The following EWSR1 variants were observed in gnomAD, a reference collection of about 807,000 sequenced individuals.
The protein encoded by EWSR1 is RNA-binding protein EWS.
In EWSR1, 14 loss-of-function variants were observed where a neutral mutation model predicts 92.1. The observed-to-expected ratio is 0.15, with a 90% CI of 0.10 to 0.24. The LOEUF is 0.24. EWSR1 is among the 10% of genes least tolerant of loss of function. EWSR1 has a pLI of 1.00. For synonymous variants in EWSR1, 303 were observed against 292.9 expected, an observed-to-expected ratio of 1.03 and a Z score of -0.35; for missense variants, 637 against 870.9, an observed-to-expected ratio of 0.73 and a Z score of 3.38.
Position 29,300,315 on chromosome 22 carries a change from C to T in EWSR1, c.*154C>T, listed in dbSNP as rs557978659. ...GTATTTTTCACCATTTGTGAAGAAA[C>T]ATTAAAACAAGTTAAATGGTAGTGT... On this transcript the variant is annotated 3_prime_UTR_variant, in exon 17 of 17. Transcript: ENST00000397938. The T allele has an allele frequency of 5.3e-6, 4 of 751,650 alleles. No homozygotes were observed. The Admixed American group carries it at 9.3e-5, about 17-fold the overall frequency. The allele number at this position is 751,650 out of a possible 1,614,324, so 46.6% of individuals were successfully genotyped here. A position where few individuals can be genotyped will look rare whatever the true frequency, so the allele number is the denominator to read the frequency against.
chr22:29,273,326 T>A (rs2146815324), intron 3 of EWSR1, among the ~76,000 whole-genome samples: 1 of 152,360 alleles, frequency 6.6e-6, no homozygotes, highest in South Asian at 2.1e-4. Context: ...TGTTCATTTG[T>A]CTTCGTACCT....
At chr22:29,295,816 C>A in intron 11 of EWSR1, 1 of 228,730 alleles carries the variant, frequency 4.4e-6, no homozygotes, top group Non-Finnish European at 8.7e-6. Flanking sequence ...CCAAGAATCC[C>A]TGTAGTTCAC....
At chr22:29,279,419 A>G (rs575218787) in intron 5 of EWSR1, among the ~76,000 whole-genome samples, 1 of 152,246 alleles carries the variant, frequency 6.6e-6, no homozygotes, top group African/African-American at 2.4e-5. Context: ...TACATTGTAT[A>G]GAGGCTTAAT....
intron 5 of EWSR1, among the ~76,000 whole-genome samples, chr22:29,279,354 A>G (rs1239522639): frequency 2.0e-5 from 3 of 152,248 alleles, no homozygotes; most frequent in Admixed American, 6.5e-5. Flanking sequence ...GGACATAACC[A>G]TATTCAAGAA....
At chr22:29,293,938 C>A (rs185397769) in intron 11 of EWSR1, among the ~76,000 whole-genome samples, 3 of 152,108 alleles carry the variant, frequency 2.0e-5, no homozygotes, top group Non-Finnish European at 4.4e-5. Context: ...ATTGCAGTGG[C>A]GCAGTCTTGG....
At chr22:29,286,243 C>T (rs575995050) in intron 6 of EWSR1, among the ~76,000 whole-genome samples, 3 of 151,838 alleles carry the variant, frequency 2.0e-5, no homozygotes, top group South Asian at 2.1e-4. Flanking sequence ...CTCCACCTCC[C>T]GGGTTCATGC....
chr22:29,272,594 G>A (rs1039276995), intron 3 of EWSR1, among the ~76,000 whole-genome samples, 163 bp downstream of exon 3: 2 of 152,178 alleles, frequency 1.3e-5, no homozygotes, highest in African/African-American at 4.8e-5. Context: ...GGACTCCATT[G>A]TGCCATCATA....
chr22:29,291,534 G>A, intron 8 of EWSR1, 28 bp from the exon 9 acceptor site: 1 of 1,610,268 alleles, frequency 6.2e-7, no homozygotes, highest in South Asian at 1.1e-5. Context: ...AAAGGGAAAG[G>A]CCTTCATTTC....
In EWSR1 at chr22:29,288,613, C is replaced by T; in HGVS notation, c.801C>T (p.Phe267=). ...QSSSYGQQSS[F]RQDHPSSMGV... ...ATGTGACTCTTTCCTCAGGTTCATT[C>T]CGACAGGACCACCCCAGTAGCATGG... Residue 267 remains phenylalanine (F), a synonymous_variant, in exon 8 of 17, where the codon TTC becomes TTT. Coordinates refer to ENST00000397938, the MANE Select transcript of EWSR1 (RefSeq NM_005243.4). 6.2e-7 allele frequency: 1 copy of T among 1,610,738 alleles called. No individual in the cohort carries two copies. The highest frequency in any genetic ancestry group is 1.1e-5 in the South Asian group (1 of 90,746).
rs374660468 is a variant in EWSR1 at position 29,291,618 on chromosome 22, C to A, written c.1012+19C>A. 3.3e-4 allele frequency: 533 copies of A among 1,605,202 alleles called. No individual in the cohort carries two copies. The highest frequency in any genetic ancestry group is 1.1e-3 in the Admixed American group (63 of 58,848). On this transcript the variant is annotated intron_variant, in intron 9 of 16. Coordinates refer to ENST00000397938, the MANE Select transcript of EWSR1 (RefSeq NM_005243.4). ...CCTGGTGGTAAGTTTTTGAGTATTA[C>A]CATAGATAGTGTTTAAAAAAAAATG...
At chr22:29,278,720 G>C (rs1364881067) in intron 5 of EWSR1, among the ~76,000 whole-genome samples, 1 of 152,090 alleles carries the variant, frequency 6.6e-6, no homozygotes, top group Non-Finnish European at 1.5e-5. Context: ...AGCTACTCGG[G>C]AGGCTGAGGC....
Position 29,284,795 on chromosome 22 carries a change from A to G in EWSR1, c.582-2128A>G, listed in dbSNP as rs912937028. Among the ~76,000 whole-genome samples the G allele has an allele frequency of 1.3e-4, 20 of 151,164 alleles. 1 individual carries two copies. Among genetic ancestry groups the G allele is most frequent in the African/African-American group, 3.5e-4 (14 of 40,556 alleles). On this transcript the variant is annotated intron_variant, in intron 6 of 16. Transcript: ENST00000397938. ...CATGATTTGTAAAGCTTAATACCAG[A>G]TGGGTTTTTTTGTTTTTGTGTGTGT...
chr22:29,299,366 C>T, intron 15 of EWSR1, 35 bp downstream of exon 15: 3 of 1,599,018 alleles, frequency 1.9e-6, no homozygotes, highest in East Asian at 4.5e-5. Context: ...CCCTCAGCTT[C>T]CTGGTGCTAA....
chr22:29,282,269 G>A (rs975064657), intron 5 of EWSR1, 121 bp from the exon 6 acceptor site: 15 of 727,270 alleles, frequency 2.1e-5, no homozygotes, highest in Non-Finnish European at 3.0e-5. Context: ...TTATTTCCAG[G>A]CTTAATCATA....
chr22:29,296,282 A>G lies in EWSR1; in HGVS notation c.1208A>G (p.Asp403Gly). 1 of 1,614,226 alleles carries G rather than the reference A, an allele frequency of 6.2e-7. No homozygotes were observed. Among genetic ancestry groups the G allele is most frequent in the East Asian group, 2.2e-5 (1 of 44,892 alleles). The change falls in exon 12 of 17, where the codon GAC (aspartate) becomes GGC (glycine). Residue 403 changes from aspartate to glycine, a missense_variant. By Grantham distance (94) the Asp-to-Gly change is moderately conservative (BLOSUM62 -1). Transcript: ENST00000397938. ...TGQPMIHIYL[D>G]KETGKPKGDA... ...CAACCCATGATCCACATCTACCTGGACAAGGAAACAGGAAAGCCCAAAGGC... is the reference window on the plus strand; with the variant it reads ...CAACCCATGATCCACATCTACCTGGGCAAGGAAACAGGAAAGCCCAAAGGC...
chr22:29,268,320 A>C lies in EWSR1; in HGVS notation c.-17A>C. The C allele has an allele frequency of 6.2e-7, 1 of 1,613,856 alleles. No homozygotes were observed. The highest frequency in any genetic ancestry group is 8.5e-7 in the Non-Finnish European group (1 of 1,179,770). ...GAGGGAGACGGACGTTGAGAGAACG[A>C]GGAGGAAGGAGAGAAAATGGCGTCC... On this transcript the variant is annotated 5_prime_UTR_variant, in exon 1 of 17. Transcript: ENST00000397938.
At position 29,291,500 on chromosome 22, in the gene EWSR1, A is replaced by G; in HGVS notation, c.975-62A>G. ...CCCTTCTTCCCCACGAGCCCCCCCA[A>G]GGCTCAGAGCGGTACTGGCTTTTAA... On this transcript the variant is annotated intron_variant, in intron 8 of 16. Coordinates refer to ENST00000397938, the MANE Select transcript of EWSR1 (RefSeq NM_005243.4). The G allele has an allele frequency of 3.2e-6, 5 of 1,541,568 alleles. No homozygotes were observed. In the South Asian group the frequency reaches 3.6e-5, roughly 11 times the overall value.
intron 4 of EWSR1, chr22:29,274,197 A>C: frequency 6.4e-7 from 1 of 1,553,186 alleles, no homozygotes; most frequent in Non-Finnish European, 8.9e-7. Context: ...TTAAAAATCA[A>C]ACTGGTTTTC....
At position 29,275,551 on chromosome 22, in the gene EWSR1, A is replaced by T. The variant is rs1177926225; in HGVS notation, c.226+1687A>T. 2.0e-4 allele frequency: 45 copies of T among 225,070 alleles called. No homozygotes were observed. The East Asian group carries it at 2.9e-3, about 15-fold the overall frequency. The allele number at this position is 225,070 out of a possible 1,614,324, so 13.9% of individuals were successfully genotyped here. On this transcript the variant is annotated intron_variant, in intron 4 of 16. Transcript: ENST00000397938. Reference sequence around the variant, plus strand: ...ATCCTCCCAAGAACTTTTGGGGTATAAAAACACCAAAATTAAGCCTGATGA... The same window carrying T: ...ATCCTCCCAAGAACTTTTGGGGTATTAAAACACCAAAATTAAGCCTGATGA...
Sources: gnomAD v4.1 joint callset for allele counts (sites outside exome capture counted in the v4.1 genomes callset) on GRCh38, gnomAD v4.1.1 for gene constraint, MANE v1.5 for transcripts, NCBI Gene and HGNC (gene_info 2026-07-23, HGNC 2026-07-21) for gene names.